Variants in PDILT observed in about 807,000 individuals in gnomAD.
PDILT encodes the protein protein disulfide isomerase like, testis expressed, also known as protein disulfide-isomerase-like protein of the testis.
Under a neutral mutation model 53.7 loss-of-function variants are expected in PDILT, and 43 were observed. The ratio of observed to expected loss-of-function variants is 0.80; its 90% CI spans 0.63 to 1.03. The LOEUF is 1.03. Among genes scored for constraint, PDILT ranks in the 50% least tolerant of loss-of-function variants. The probability of loss-of-function intolerance (pLI) is 0.00; values close to 1 mark genes in which losing one functional copy is unlikely to be tolerated. For missense variants in PDILT, 727 were observed against 712.3 expected (o/e 1.02, Z -0.24); for synonymous variants, 282 against 274.2 (o/e 1.03, Z -0.28).
At chr16:20,395,911 A>G (rs1384622319) in intron 2 of PDILT, among the ~76,000 whole-genome samples, 1 of 152,182 alleles carries the variant, frequency 6.6e-6, no homozygotes, top group Non-Finnish European at 1.5e-5. Flanking sequence ...CAGATGCCCA[A>G]CTTACAACCA....
chr16:20,387,182 T>G (rs766406209), intron 2 of PDILT, among the ~76,000 whole-genome samples: 3 of 152,222 alleles, frequency 2.0e-5, no homozygotes, highest in Non-Finnish European at 4.4e-5. Context: ...TGCTGTCACT[T>G]GAAAAGGCAG....
intron 8 of PDILT, among the ~76,000 whole-genome samples, chr16:20,368,839 T>C (rs7186431): frequency 0.92 from 139,792 of 152,126 alleles, 64,749 homozygotes; most frequent in African/African-American, 0.98. Flanking sequence ...TCACCTCAAC[T>C]TTGCAAAGTG....
intron 3 of PDILT, among the ~76,000 whole-genome samples, chr16:20,382,364 T>C (rs1462644405): frequency 2.0e-5 from 3 of 152,210 alleles, no homozygotes; most frequent in African/African-American, 7.2e-5. Context: ...GGCCTGCTGT[T>C]TGACTGTATA....
intron 9 of PDILT, 60 bp downstream of exon 9, chr16:20,365,360 A>G: frequency 6.3e-7 from 1 of 1,587,578 alleles, no homozygotes; most frequent in Non-Finnish European, 8.6e-7. Flanking sequence ...AATTCAGGAG[A>G]AACACTTGAA....
intron 2 of PDILT, among the ~76,000 whole-genome samples, chr16:20,394,176 C>T (rs758425387): frequency 2.6e-5 from 4 of 152,134 alleles, no homozygotes; most frequent in Admixed American, 6.5e-5. Context: ...CCAGTGTCCA[C>T]GGGATTTGAG....
intron 2 of PDILT, among the ~76,000 whole-genome samples, chr16:20,392,765 T>G (rs896715121): frequency 2.6e-5 from 4 of 152,206 alleles, no homozygotes; most frequent in Non-Finnish European, 5.9e-5. Flanking sequence ...GTATGCATGT[T>G]GGTTGTGTCA....
At chr16:20,373,723 A>G (rs1025056263) in intron 5 of PDILT, among the ~76,000 whole-genome samples, 1 of 152,182 alleles carries the variant, frequency 6.6e-6, no homozygotes, top group Non-Finnish European at 1.5e-5. Context: ...TAAGGCAAAC[A>G]CTGAGCTGTA....
In PDILT at chr16:20,365,448, G is replaced by A; in HGVS notation, c.1209C>T (p.Asp403=). 6.2e-7 allele frequency: 1 copy of A among 1,613,998 alleles called. No individual in the cohort carries two copies. Among genetic ancestry groups the A allele is most frequent in the South Asian group, 1.1e-5 (1 of 91,080 alleles). The change falls in exon 9 of 12, where the codon GAC becomes GAT. Residue 403 remains aspartate, a synonymous_variant. Transcript: ENST00000302451. The part of the protein sequence containing the change: ...VGKNFNVVVF[D]KEKDVFVMFY... ...ACATCACAAATACGTCCTTTTCTTT[G>A]TCAAAGACGACTACGTTGAAGTTCT...
intron 7 of PDILT, among the ~76,000 whole-genome samples, chr16:20,371,417 C>T (rs1966304646): frequency 6.6e-6 from 1 of 152,198 alleles, no homozygotes; most frequent in Non-Finnish European, 1.5e-5. Context: ...GATTAAAGGC[C>T]TCACTGTGTG....
intron 2 of PDILT, among the ~76,000 whole-genome samples, chr16:20,398,235 C>T (rs1346411293): frequency 1.3e-5 from 2 of 152,114 alleles, no homozygotes; most frequent in Non-Finnish European, 2.9e-5. Flanking sequence ...GGTCCCAATG[C>T]CTCAGGAAGA....
chr16:20,373,897 C>T (rs1039450158), intron 5 of PDILT, among the ~76,000 whole-genome samples: 1 of 152,142 alleles, frequency 6.6e-6, no homozygotes, highest in African/African-American at 2.4e-5. Context: ...CTCAATTAAG[C>T]TCTTCAATTT....
At position 20,382,333 on chromosome 16, in the gene PDILT, T is replaced by C. The variant is rs146089564; in HGVS notation, c.409+2312A>G. 7.9e-5 allele frequency among the ~76,000 whole-genome samples: 12 copies of C among 152,382 alleles called. No homozygotes were observed. The East Asian group carries it at 2.3e-3, about 29-fold the overall frequency. On this transcript the variant is annotated intron_variant, in intron 3 of 11. Transcript: ENST00000302451. The stretch of plus-strand genomic sequence containing the variant: ...CAATGTAAAGCGGATTTCAACATAC[T>C]ATAGCCTGTAGTCCAAATCTGGCCT...
chr16:20,386,493 G>A (rs1233677391), intron 2 of PDILT, among the ~76,000 whole-genome samples: 2 of 152,220 alleles, frequency 1.3e-5, no homozygotes, highest in Admixed American at 6.5e-5. Context: ...CCAACAGAGA[G>A]GTCTTTTGTA....
chr16:20,379,682 T>C (rs930034381), intron 3 of PDILT, among the ~76,000 whole-genome samples: 11 of 152,192 alleles, frequency 7.2e-5, no homozygotes, highest in East Asian at 3.9e-4. Context: ...GTTGGGTGTA[T>C]AGCCAGCAGG....
chr16:20,366,988 C>CTTCCTTTA (rs1555489406), intron 8 of PDILT, among the ~76,000 whole-genome samples: 6 of 83,406 alleles, frequency 7.2e-5, no homozygotes, highest in African/African-American at 2.5e-4. Flanking sequence ...TCCTTCCTTC[C>CTTCCTTTA]TTTCTTTCTT....
intron 1 of PDILT, among the ~76,000 whole-genome samples, chr16:20,400,072 ATTTT>A: frequency 7.3e-6 from 1 of 137,494 alleles, no homozygotes; most frequent in African/African-American, 2.9e-5. Flanking sequence ...ATATATATAT[ATTTT>A]TTGAGACGGA....
intron 2 of PDILT, among the ~76,000 whole-genome samples, chr16:20,388,634 A>C (rs112462318): frequency 6.6e-6 from 1 of 152,140 alleles, no homozygotes; most frequent in South Asian, 2.1e-4. Context: ...AAATTGGGCC[A>C]GGCGTGGTGA....
At chr16:20,402,200 C>A (rs1366616696) in intron 1 of PDILT, among the ~76,000 whole-genome samples, 1 of 152,216 alleles carries the variant, frequency 6.6e-6, no homozygotes, top group Non-Finnish European at 1.5e-5. Context: ...TAAATAGATG[C>A]AATCAATGGT....
chr16:20,396,851 C>T (rs1041698668), intron 2 of PDILT, among the ~76,000 whole-genome samples: 1 of 152,118 alleles, frequency 6.6e-6, no homozygotes, highest in African/African-American at 2.4e-5. Context: ...CATTGAGCTG[C>T]ATAAGTGTGG....
Sources: gnomAD v4.1 joint callset for allele counts (sites outside exome capture counted in the v4.1 genomes callset) on GRCh38, gnomAD v4.1.1 for gene constraint, MANE v1.5 for transcripts, NCBI Gene and HGNC (gene_info 2026-07-23, HGNC 2026-07-21) for gene names.